CRYBG1: variants seen among roughly 807,000 people sequenced by gnomAD.
CRYBG1 encodes the protein crystallin beta-gamma domain containing 1, also known as beta/gamma crystallin domain-containing protein 1.
CRYBG1 carries 139 observed loss-of-function variants against 189.2 expected under a neutral mutation model. The ratio of observed to expected loss-of-function variants is 0.73; its 90% CI spans 0.64 to 0.85. The LOEUF (loss-of-function observed/expected upper bound fraction) is 0.85. CRYBG1 is among the 40% of genes least tolerant of loss of function. The pLI, the probability that CRYBG1 is intolerant of heterozygous loss-of-function variation, is 0.00. For synonymous variants in CRYBG1, 1,023 were observed against 1,017.1 expected (o/e 1.01, Z -0.11); for missense variants, 2,611 against 2,675.8 (o/e 0.98, Z 0.53).
chr6:106,492,910 A>G (rs1772757104), intron 2 of CRYBG1, among the ~76,000 whole-genome samples: 1 of 152,116 alleles, frequency 6.6e-6, no homozygotes, highest in African/African-American at 2.4e-5. Context: ...TTCTGTAAAT[A>G]TAGTCATGGT....
chr6:106,555,484 G>A (rs1411787409), intron 16 of CRYBG1, among the ~76,000 whole-genome samples: 1 of 152,126 alleles, frequency 6.6e-6, no homozygotes, highest in Non-Finnish European at 1.5e-5. Flanking sequence ...GGCAAACGGT[G>A]GCACCCATGA....
chr6:106,388,070 C>G (rs908649277), intron 1 of CRYBG1, among the ~76,000 whole-genome samples: 4 of 152,192 alleles, frequency 2.6e-5, no homozygotes, highest in Non-Finnish European at 5.9e-5. Flanking sequence ...TACTGGCACT[C>G]CCTTTGACTC....
At chr6:106,384,900 T>C (rs554014120) in intron 1 of CRYBG1, among the ~76,000 whole-genome samples, 4 of 86,198 alleles carry the variant, frequency 4.6e-5, no homozygotes, top group African/African-American at 1.4e-4. Flanking sequence ...GCAGTCTCTT[T>C]CAAAATCTCT....
intron 2 of CRYBG1, among the ~76,000 whole-genome samples, chr6:106,498,915 G>T (rs12193525): frequency 6.6e-6 from 1 of 151,490 alleles, no homozygotes; most frequent in African/African-American, 2.4e-5. Flanking sequence ...TTATTGGCAC[G>T]AACTCAGTGA....
intron 1 of CRYBG1, among the ~76,000 whole-genome samples, chr6:106,439,050 GAA>G (rs11313505): frequency 0.02 from 2,687 of 131,762 alleles, 71 homozygotes; most frequent in African/African-American, 0.069. Flanking sequence ...CTTAAAAAAT[GAA>G]AAAAAAAAAA....
chr6:106,440,266 CTCT>C (rs1367799818), intron 1 of CRYBG1, among the ~76,000 whole-genome samples: 13 of 103,868 alleles, frequency 1.3e-4, no homozygotes, highest in Non-Finnish European at 2.8e-4. Context: ...CTCTCTCTCT[CTCT>C]TTTTTTTTCT....
Position 106,414,137 on chromosome 6 carries a change from C to T in CRYBG1, c.174-37557C>T, listed in dbSNP as rs569720917. ...CCACCTGACAAGAATTTCTGTTGTG[C>T]GAGCCCCTTTTGGATACTTCAAAGA... On this transcript the variant is annotated intron_variant, in intron 1 of 21. Transcript: ENST00000633556. Among the ~76,000 whole-genome samples, 5 of 152,298 alleles carry T rather than the reference C, an allele frequency of 3.3e-5. No individual in the cohort carries two copies. The East Asian group carries it at 7.7e-4, about 23-fold the overall frequency.
chr6:106,427,159 T>C lies in CRYBG1; in HGVS notation c.174-24535T>C, dbSNP rs374827232. Among the ~76,000 whole-genome samples, 4 of 152,316 alleles carry C rather than the reference T, an allele frequency of 2.6e-5. No homozygotes were observed. In the South Asian group the frequency reaches 8.3e-4, roughly 32 times the overall value. On this transcript the variant is annotated intron_variant, in intron 1 of 21. Coordinates refer to ENST00000633556, the MANE Select transcript of CRYBG1 (RefSeq NM_001371242.2). ...GCATTTACTTTCTAGGTGAGCTTTCTGGACTTACAGCTTTAGATCATCTGT... is the reference window on the plus strand; with the variant it reads ...GCATTTACTTTCTAGGTGAGCTTTCCGGACTTACAGCTTTAGATCATCTGT...
chr6:106,382,128 G>A (rs1770300625), intron 1 of CRYBG1, among the ~76,000 whole-genome samples: 1 of 152,140 alleles, frequency 6.6e-6, no homozygotes, highest in Non-Finnish European at 1.5e-5. Context: ...GCTCTTAATA[G>A]CCTTAGATTT....
chr6:106,414,537 A>G (rs965675831), intron 1 of CRYBG1, among the ~76,000 whole-genome samples: 6 of 152,248 alleles, frequency 3.9e-5, no homozygotes, highest in African/African-American at 1.2e-4. Flanking sequence ...TCTGTTTGAG[A>G]GAGAGATAAG....
intron 2 of CRYBG1, among the ~76,000 whole-genome samples, chr6:106,510,977 T>A (rs1431844629): frequency 6.6e-6 from 1 of 152,164 alleles, no homozygotes; most frequent in Non-Finnish European, 1.5e-5. Flanking sequence ...TCGTCCTCCT[T>A]CCCTCCTACA....
chr6:106,534,807 T>G (rs922564678), intron 8 of CRYBG1, among the ~76,000 whole-genome samples: 1 of 151,834 alleles, frequency 6.6e-6, no homozygotes, highest in Admixed American at 6.6e-5. Context: ...TTGGGTTTTT[T>G]GGGGGCGGGG....
At chr6:106,392,109 A>C (rs1770519002) in intron 1 of CRYBG1, among the ~76,000 whole-genome samples, 1 of 152,142 alleles carries the variant, frequency 6.6e-6, no homozygotes, top group African/African-American at 2.4e-5. Context: ...GAAGGCTCTC[A>C]GTGCGATGAG....
intron 3 of CRYBG1, among the ~76,000 whole-genome samples, chr6:106,514,145 C>A (rs1462145): frequency 2.0e-5 from 3 of 152,024 alleles, no homozygotes; most frequent in African/African-American, 4.8e-5. Context: ...GGCCTTGTGC[C>A]TTGATGATAA....
At chr6:106,376,487 T>A (rs1770165244) in intron 1 of CRYBG1, among the ~76,000 whole-genome samples, 1 of 152,164 alleles carries the variant, frequency 6.6e-6, no homozygotes, top group South Asian at 2.1e-4. Context: ...AGTGGGAAGC[T>A]TTGGAGGAGA....
intron 7 of CRYBG1, 95 bp from the exon 8 acceptor site, chr6:106,530,081 C>T (rs1190585243): frequency 2.6e-5 from 30 of 1,167,632 alleles, no homozygotes; most frequent in Non-Finnish European, 3.3e-5. Flanking sequence ...ATTTAAAGCT[C>T]ATTTTGATTA....
chr6:106,559,191 AAG>A (rs1376792635), intron 18 of CRYBG1, among the ~76,000 whole-genome samples: 2 of 152,178 alleles, frequency 1.3e-5, no homozygotes, highest in South Asian at 4.1e-4. Flanking sequence ...GCAAGTAAGA[AAG>A]AGCTGACTTT....
chr6:106,531,903 T>C (rs1403514142), intron 8 of CRYBG1, among the ~76,000 whole-genome samples: 1 of 152,140 alleles, frequency 6.6e-6, no homozygotes, highest in East Asian at 1.9e-4. Context: ...GGTTCGTCAA[T>C]ATACAAAGGT....
intron 2 of CRYBG1, among the ~76,000 whole-genome samples, chr6:106,475,106 T>C (rs748287098): frequency 5.3e-5 from 8 of 152,236 alleles, no homozygotes; most frequent in Non-Finnish European, 1.2e-4. Flanking sequence ...CCTAAAGATA[T>C]ATTCCATAAA....
Sources: gnomAD v4.1 joint callset for allele counts (sites outside exome capture counted in the v4.1 genomes callset) on GRCh38, gnomAD v4.1.1 for gene constraint, MANE v1.5 for transcripts, NCBI Gene and HGNC (gene_info 2026-07-23, HGNC 2026-07-21) for gene names.